The following ERICH6B variants were observed in gnomAD, a reference collection of about 807,000 sequenced individuals.
The protein encoded by ERICH6B is glutamate rich 6B.
Under a neutral mutation model 80.0 loss-of-function variants are expected in ERICH6B, and 69 were observed. The ratio of observed to expected loss-of-function variants is 0.86; its 90% confidence interval spans 0.71 to 1.05. The LOEUF (loss-of-function observed/expected upper bound fraction) is 1.05, where lower values mean the gene tolerates loss of function less well. Ranked by LOEUF, ERICH6B falls within the 50% of genes least tolerant of loss-of-function variation. The probability of loss-of-function intolerance (pLI) is 0.00; values close to 1 mark genes in which losing one functional copy is unlikely to be tolerated. For missense variants in ERICH6B, 754 were observed against 796.1 expected (o/e 0.95, Z 0.64); for synonymous variants, 283 against 291.9 (o/e 0.97, Z 0.31).
At chr13:45,546,912 A>G (rs918353732) in intron 13 of ERICH6B, among the ~76,000 whole-genome samples, 1 of 152,166 alleles carries the variant, frequency 6.6e-6, no homozygotes, top group Non-Finnish European at 1.5e-5. Context: ...CCATTGAACA[A>G]AGAGCAAACT....
intron 4 of ERICH6B, among the ~76,000 whole-genome samples, chr13:45,589,764 A>G (rs903029178): frequency 6.6e-6 from 1 of 152,174 alleles, no homozygotes; most frequent in African/African-American, 2.4e-5. Context: ...TTTGAGTGTC[A>G]GCGATTGGGG....
intron 7 of ERICH6B, among the ~76,000 whole-genome samples, 192 bp downstream of exon 7, chr13:45,579,741 C>T (rs1328425140): frequency 6.6e-6 from 1 of 152,166 alleles, no homozygotes; most frequent in African/African-American, 2.4e-5. Flanking sequence ...TTCAGAGACC[C>T]TCTCTCTGTT....
At chr13:45,583,809 T>C (rs929546612) in intron 5 of ERICH6B, among the ~76,000 whole-genome samples, 3 of 152,172 alleles carry the variant, frequency 2.0e-5, no homozygotes, top group Non-Finnish European at 4.4e-5. Flanking sequence ...TTGTGAGGCC[T>C]CCCCAGCCAC....
At chr13:45,571,528 CA>C (rs1355603376) in intron 8 of ERICH6B, among the ~76,000 whole-genome samples, 2 of 152,160 alleles carry the variant, frequency 1.3e-5, no homozygotes, top group African/African-American at 2.4e-5. Flanking sequence ...AGTAGTCAGA[CA>C]AAAAAATGTC....
chr13:45,552,341 G>T (rs529511722), intron 11 of ERICH6B, among the ~76,000 whole-genome samples: 1 of 152,180 alleles, frequency 6.6e-6, no homozygotes, highest in African/African-American at 2.4e-5. Flanking sequence ...AAGACCCGTT[G>T]TTCCCCTGCT....
rs1255426673 is a variant in ERICH6B at position 45,596,514 on chromosome 13, C to T, written c.492G>A (p.Leu164=). 1.3e-6 allele frequency: 2 copies of T among 1,551,992 alleles called. No homozygotes were observed. The highest frequency in any genetic ancestry group is 2.7e-5 in the African/African-American group (2 of 73,004). ...TCTTCCCCAGATACTCCTCCTCCTC[C>T]AGATACGCTTTCTTCCCCAGATAAT... ...EVDYLGKKAY[L]EEEEYLGKKS... is the part of the protein sequence containing the mutation. Residue 164 remains leucine, a synonymous_variant, in exon 3 of 15, where the codon CTG becomes CTA. Transcript: ENST00000298738.
rs1876363653 is a variant in ERICH6B at position 45,596,262 on chromosome 13, C to T, written c.637+107G>A. The T allele has an allele frequency of 9.0e-6, 12 of 1,336,544 alleles. No individual in the cohort carries two copies. In the East Asian group the frequency reaches 2.8e-4, roughly 31 times the overall value. The allele number at this position is 1,336,544 out of a possible 1,614,324, so 82.8% of individuals were successfully genotyped here. A position where few individuals can be genotyped will look rare whatever the true frequency, so the allele number is the denominator to read the frequency against. ...CTAGAGTTACCATCCTTTGGGATGC[C>T]CTCCTCCAGATACTCATCCCTTTCC... On this transcript the variant is annotated intron_variant, in intron 3 of 14. Transcript: ENST00000298738.
chr13:45,569,272 C>A (rs149186177), intron 8 of ERICH6B, among the ~76,000 whole-genome samples: 44 of 152,258 alleles, frequency 2.9e-4, no homozygotes, highest in African/African-American at 9.9e-4. Flanking sequence ...ATCACAGGCA[C>A]GTGCCACCAT....
chr13:45,548,529 A>T (rs185135719), intron 13 of ERICH6B, among the ~76,000 whole-genome samples: 2 of 152,254 alleles, frequency 1.3e-5, no homozygotes, highest in Admixed American at 6.5e-5. Context: ...ATTCACAGAG[A>T]GAGGGAGAGA....
intron 2 of ERICH6B, among the ~76,000 whole-genome samples, chr13:45,603,573 G>T (rs1463032431): frequency 6.6e-6 from 1 of 152,094 alleles, no homozygotes; most frequent in African/African-American, 2.4e-5. Flanking sequence ...CCAGGTGCTG[G>T]TCAGGGCATT....
chr13:45,586,479 T>C (rs910025613), intron 5 of ERICH6B, among the ~76,000 whole-genome samples: 3 of 152,158 alleles, frequency 2.0e-5, no homozygotes, highest in Non-Finnish European at 4.4e-5. Flanking sequence ...GGGGGTTTAA[T>C]TGGGTAGAGA....
intron 11 of ERICH6B, among the ~76,000 whole-genome samples, chr13:45,556,944 G>A (rs1185451107): frequency 1.3e-5 from 2 of 152,114 alleles, no homozygotes; most frequent in African/African-American, 4.8e-5. Flanking sequence ...TTTCCTCTGG[G>A]TAAATACTCA....
At chr13:45,543,791 G>A (rs1873882149) in intron 14 of ERICH6B, among the ~76,000 whole-genome samples, 1 of 152,178 alleles carries the variant, frequency 6.6e-6, no homozygotes, top group Admixed American at 6.5e-5. Flanking sequence ...CCTGGGGAGT[G>A]TGCCTTGAAC....
At chr13:45,593,496 A>G (rs1237192722) in intron 3 of ERICH6B, among the ~76,000 whole-genome samples, 1 of 152,206 alleles carries the variant, frequency 6.6e-6, no homozygotes, top group African/African-American at 2.4e-5. Context: ...GATTTACCCA[A>G]TTAAATCCCT....
intron 11 of ERICH6B, among the ~76,000 whole-genome samples, chr13:45,554,759 CT>C (rs2137967802): frequency 6.6e-6 from 1 of 152,328 alleles, no homozygotes; most frequent in South Asian, 2.1e-4. Flanking sequence ...CTGGCCTGTC[CT>C]GCAGGCGGGA....
At chr13:45,579,010 A>T (rs185133439) in intron 7 of ERICH6B, among the ~76,000 whole-genome samples, 43 of 152,326 alleles carry the variant, frequency 2.8e-4, no homozygotes, top group Admixed American at 2.3e-3. Context: ...TTCTCACGCC[A>T]CTGGGCAAGA....
At chr13:45,612,377 G>A (rs1294847339) in intron 1 of ERICH6B, among the ~76,000 whole-genome samples, 1 of 152,170 alleles carries the variant, frequency 6.6e-6, no homozygotes, top group African/African-American at 2.4e-5. Flanking sequence ...AGAAAGACAG[G>A]AAAATAAACT....
intron 13 of ERICH6B, 34 bp from the exon 14 acceptor site, chr13:45,545,019 G>T (rs150594596): frequency 6.5e-7 from 1 of 1,532,084 alleles, no homozygotes; most frequent in Admixed American, 2.0e-5. Context: ...GGCAGCCAGG[G>T]CGCTCAGCCC....
chr13:45,590,819 CT>C, intron 3 of ERICH6B, 122 bp from the exon 4 acceptor site: 1 of 760,682 alleles, frequency 1.3e-6, no homozygotes, highest in Non-Finnish European at 2.0e-6. Flanking sequence ...TTTTACTTTT[CT>C]TTAGTATTGT....
Sources: allele counts gnomAD v4.1 joint callset (sites outside exome capture counted in the v4.1 genomes callset), GRCh38; gene constraint gnomAD v4.1.1; transcripts MANE v1.5; gene names NCBI Gene and HGNC (gene_info 2026-07-23, HGNC 2026-07-21).